The following YWHAQ variants were observed in gnomAD, a reference collection of about 807,000 sequenced individuals.
YWHAQ encodes the protein tyrosine 3-monooxygenase/tryptophan 5-monooxygenase activation protein theta.
YWHAQ carries 6 observed loss-of-function variants against 28.3 expected under a neutral mutation model. That is an observed-to-expected ratio of 0.21 (90% CI 0.12 to 0.42). YWHAQ has a LOEUF of 0.42. Among genes scored for constraint, YWHAQ ranks in the 10% least tolerant of loss-of-function variants. The pLI, the probability that YWHAQ is intolerant of heterozygous loss-of-function variation, is 1.00. For missense variants in YWHAQ, 201 were observed against 305.6 expected, an observed-to-expected ratio of 0.66 and a Z score of 2.55; for synonymous variants, 143 against 119.1, an observed-to-expected ratio of 1.20 and a Z score of -1.31.
rs186233560 is a variant in YWHAQ, at chr2:9,622,320, G to A, written c.294+7839C>T. Among the ~76,000 whole-genome samples the A allele has an allele frequency of 1.6e-3, 236 of 151,910 alleles. 1 individual carries two copies. The highest frequency in any genetic ancestry group is 1.2e-4 in the Non-Finnish European group (8 of 67,994). ...TTTGTTCTAAAATTTCATATAAATG[G>A]AATCACATACACTATGTACTTTTTC... is the stretch of plus-strand genomic sequence containing the variant. On this transcript the variant is annotated intron_variant, in intron 2 of 5. Transcript: ENST00000238081.
intron 2 of YWHAQ, among the ~76,000 whole-genome samples, chr2:9,596,936 T>C (rs1666583611): frequency 6.6e-6 from 1 of 152,230 alleles, no homozygotes; most frequent in Non-Finnish European, 1.5e-5. Context: ...TGAGCCACGG[T>C]GCCCAGCTTA....
intron 2 of YWHAQ, among the ~76,000 whole-genome samples, chr2:9,593,307 CA>C (rs1299081538): frequency 7.2e-6 from 1 of 138,846 alleles, no homozygotes; most frequent in Non-Finnish European, 1.5e-5. Flanking sequence ...TGGTGATTCT[CA>C]AATGATTCTC....
At position 9,610,361 on chromosome 2, in the gene YWHAQ, G is replaced by A. The variant is rs532753641; in HGVS notation, c.295-18846C>T. Among the ~76,000 whole-genome samples, 161 of 152,282 alleles carry A rather than the reference G, an allele frequency of 1.1e-3. 1 individual carries two copies. The highest frequency in any genetic ancestry group is 6.8e-3 in the Middle Eastern group (2 of 294). ...CTGACAGTTCTTAATTCATAGGGTTGTTGTGAAGATTAAATGAGTTAACAC... is the reference window on the plus strand; with the variant it reads ...CTGACAGTTCTTAATTCATAGGGTTATTGTGAAGATTAAATGAGTTAACAC... On this transcript the variant is annotated intron_variant, in intron 2 of 5. Coordinates refer to ENST00000238081, the MANE Select transcript of YWHAQ (RefSeq NM_006826.4).
At chr2:9,608,587 G>A (rs1250065960) in intron 2 of YWHAQ, among the ~76,000 whole-genome samples, 1 of 152,192 alleles carries the variant, frequency 6.6e-6, no homozygotes, top group Non-Finnish European at 1.5e-5. Context: ...AAACTACTGT[G>A]TAAACAGAGA....
intron 2 of YWHAQ, among the ~76,000 whole-genome samples, chr2:9,606,279 T>C (rs1484835821): frequency 6.6e-6 from 1 of 152,156 alleles, no homozygotes; most frequent in African/African-American, 2.4e-5. Context: ...TTAAACACCT[T>C]TTCCGGCCAG....
chr2:9,613,416 T>C lies in YWHAQ; in HGVS notation c.294+16743A>G, dbSNP rs553715218. 9.2e-5 allele frequency among the ~76,000 whole-genome samples: 14 copies of C among 152,256 alleles called. No individual in the cohort carries two copies. The East Asian group carries it at 2.7e-3, about 29-fold the overall frequency. Reference sequence around the variant, plus strand: ...GAGAATATGGGCTCCTCACACTCAGTGGGATATGTGCCACTGTAGTTATAG... The same window carrying C: ...GAGAATATGGGCTCCTCACACTCAGCGGGATATGTGCCACTGTAGTTATAG... On this transcript the variant is annotated intron_variant, in intron 2 of 5. Transcript: ENST00000238081.
intron 2 of YWHAQ, 88 bp from the exon 3 acceptor site, chr2:9,591,603 T>C (rs1572987165): frequency 6.8e-7 from 1 of 1,469,336 alleles, no homozygotes; most frequent in East Asian, 2.3e-5. Flanking sequence ...CTAGCGGGCA[T>C]TTCAATCATT....
intron 2 of YWHAQ, among the ~76,000 whole-genome samples, chr2:9,625,227 A>T (rs1573007668): frequency 6.9e-6 from 1 of 145,274 alleles, no homozygotes; most frequent in South Asian, 2.2e-4. Context: ...GCGCCACTGT[A>T]CCCCAGCCTG....
At chr2:9,592,812 T>C (rs1187420985) in intron 2 of YWHAQ, among the ~76,000 whole-genome samples, 2 of 152,208 alleles carry the variant, frequency 1.3e-5, no homozygotes, top group African/African-American at 4.8e-5. Flanking sequence ...AAGATACTAA[T>C]ACCTACTTCA....
At chr2:9,602,876 T>TAC (rs1666742977) in intron 2 of YWHAQ, among the ~76,000 whole-genome samples, 1 of 38,858 alleles carries the variant, frequency 2.6e-5, no homozygotes, top group Non-Finnish European at 5.0e-5. Context: ...TATATATATA[T>TAC]ATATATATAT....
At chr2:9,606,523 C>G (rs953367694) in intron 2 of YWHAQ, among the ~76,000 whole-genome samples, 10 of 152,036 alleles carry the variant, frequency 6.6e-5, no homozygotes, top group African/African-American at 2.2e-4. Flanking sequence ...GAACATCTGT[C>G]TGTGTGTGTG....
At chr2:9,592,091 C>A (rs754317007) in intron 2 of YWHAQ, among the ~76,000 whole-genome samples, 1 of 151,964 alleles carries the variant, frequency 6.6e-6, no homozygotes, top group African/African-American at 2.4e-5. Flanking sequence ...ATTTTAGGGA[C>A]GGGAAACAAA....
chr2:9,602,647 G>T (rs1217525288), intron 2 of YWHAQ, among the ~76,000 whole-genome samples: 1 of 149,792 alleles, frequency 6.7e-6, no homozygotes, highest in Admixed American at 6.7e-5. Flanking sequence ...TGGACTCAAG[G>T]GATCCTCCCA....
intron 2 of YWHAQ, among the ~76,000 whole-genome samples, chr2:9,595,617 C>A (rs1400466057): frequency 6.7e-6 from 1 of 149,326 alleles, no homozygotes; most frequent in Non-Finnish European, 1.5e-5. Flanking sequence ...CACAGGAGAA[C>A]TGCTTGAACC....
At chr2:9,591,989 C>T (rs1213413021) in intron 2 of YWHAQ, among the ~76,000 whole-genome samples, 1 of 152,154 alleles carries the variant, frequency 6.6e-6, no homozygotes, top group Non-Finnish European at 1.5e-5. Context: ...GAGATGGCCT[C>T]CAGTTAAGAC....
chr2:9,584,766 G>C lies in YWHAQ; in HGVS notation c.*520C>G, dbSNP rs971727211. 2 of 154,006 alleles carry C rather than the reference G, an allele frequency of 1.3e-5. No individual in the cohort carries two copies. Among genetic ancestry groups the C allele is most frequent in the African/African-American group, 4.8e-5 (2 of 41,440 alleles). The allele number at this position is 154,006 out of a possible 1,614,324, so 9.5% of individuals were successfully genotyped here. ...TTTCAATTTGTGACCCCTAGACAGA[G>C]ATGGCAAGTGCTTTTCCATTCAATC... is the stretch of plus-strand genomic sequence containing the variant. On this transcript the variant is annotated 3_prime_UTR_variant, in exon 6 of 6. Transcript: ENST00000238081.
intron 2 of YWHAQ, among the ~76,000 whole-genome samples, chr2:9,613,617 T>C (rs1666993522): frequency 6.6e-6 from 1 of 152,232 alleles, no homozygotes; most frequent in African/African-American, 2.4e-5. Flanking sequence ...ATTATCTCCA[T>C]GACCCAAATA....
intron 2 of YWHAQ, among the ~76,000 whole-genome samples, chr2:9,612,237 G>A (rs1666962177): frequency 1.3e-5 from 2 of 152,260 alleles, no homozygotes; most frequent in South Asian, 2.1e-4. Context: ...GATCTACCAG[G>A]TTTTTGGGTT....
chr2:9,593,666 A>G (rs1014473933), intron 2 of YWHAQ, among the ~76,000 whole-genome samples: 4 of 151,864 alleles, frequency 2.6e-5, no homozygotes, highest in Non-Finnish European at 4.4e-5. Flanking sequence ...CTGTCTCTAC[A>G]AAGAATTTTA....
Sources: allele counts gnomAD v4.1 joint callset (sites outside exome capture counted in the v4.1 genomes callset), GRCh38; gene constraint gnomAD v4.1.1; transcripts MANE v1.5; gene names NCBI Gene and HGNC (gene_info 2026-07-23, HGNC 2026-07-21).